Variants in ANP32A observed in about 807,000 individuals in gnomAD.
The protein encoded by ANP32A is acidic nuclear phosphoprotein 32 family member A.
Under a neutral mutation model 33.9 loss-of-function variants are expected in ANP32A, and 1 was observed. That is an observed-to-expected ratio of 0.03 (90% CI 0.01 to 0.14). ANP32A has a LOEUF of 0.14. Among genes scored for constraint, ANP32A ranks in the 10% least tolerant of loss-of-function variants. The probability of loss-of-function intolerance (pLI) is 1.00; values close to 1 mark genes in which losing one functional copy is unlikely to be tolerated. For missense variants in ANP32A, 155 were observed against 306.0 expected (o/e 0.51, Z 3.68); for synonymous variants, 115 against 120.5 (o/e 0.95, Z 0.30).
chr15:68,783,799 C>T (rs1049066040), intron 4 of ANP32A, among the ~76,000 whole-genome samples: 1 of 152,170 alleles, frequency 6.6e-6, no homozygotes, highest in African/African-American at 2.4e-5. Flanking sequence ...CTGCAGTCCT[C>T]CACTTCTGAG....
intron 1 of ANP32A, among the ~76,000 whole-genome samples, chr15:68,819,841 C>T (rs2140378395): frequency 6.6e-6 from 1 of 152,276 alleles, no homozygotes; most frequent in East Asian, 1.9e-4. Flanking sequence ...TCGAAAATCC[C>T]TCCCCCTCCT....
intron 1 of ANP32A, among the ~76,000 whole-genome samples, chr15:68,795,396 CTTA>C (rs1297902885): frequency 6.6e-6 from 1 of 152,158 alleles, no homozygotes; most frequent in East Asian, 1.9e-4. Flanking sequence ...TGACGCCATC[CTTA>C]TTATTTTAGG....
rs551159101 is a variant in ANP32A at position 68,811,799 on chromosome 15, A to G, written c.54+8899T>C. On this transcript the variant is annotated intron_variant, in intron 1 of 6. Transcript: ENST00000465139. The stretch of plus-strand genomic sequence containing the variant: ...GCCCAGGCTGGAATGCAGTGGCACG[A>G]TATCGGCTCACACTGCAACCTCCGT... 1.3e-4 allele frequency among the ~76,000 whole-genome samples: 20 copies of G among 152,270 alleles called. No homozygotes were observed. The East Asian group carries it at 3.5e-3, about 26-fold the overall frequency.
At chr15:68,811,395 A>G (rs1894310243) in intron 1 of ANP32A, among the ~76,000 whole-genome samples, 1 of 152,198 alleles carries the variant, frequency 6.6e-6, no homozygotes, top group African/African-American at 2.4e-5. Flanking sequence ...AGGGATGGAC[A>G]AGACAAGAAG....
chr15:68,787,745 C>A (rs1893951353), intron 2 of ANP32A, 25 bp downstream of exon 2: 1 of 1,612,980 alleles, frequency 6.2e-7, no homozygotes, highest in African/African-American at 1.3e-5. Context: ...CGCCTCCCAG[C>A]ACACACAGAC....
rs576995426 is a variant in ANP32A, at chr15:68,800,022, T to G, written c.55-12103A>C. Among the ~76,000 whole-genome samples, 25 of 152,088 alleles carry G rather than the reference T, an allele frequency of 1.6e-4. 1 individual carries two copies. The highest frequency in any genetic ancestry group is 1.4e-3 in the Admixed American group (21 of 15,276). ...TCATTATGGCTGTCTCACAAAATAA[T>G]GGGCTGCTCTGAAAACTTGGGAGCT... On this transcript the variant is annotated intron_variant, in intron 1 of 6. Coordinates refer to ENST00000465139, the MANE Select transcript of ANP32A (RefSeq NM_006305.4).
At chr15:68,787,960 G>A (rs1258301062) in intron 1 of ANP32A, 41 bp from the exon 2 acceptor site, 3 of 1,613,002 alleles carry the variant, frequency 1.9e-6, no homozygotes, top group East Asian at 2.2e-5. Context: ...CTGAGGAATG[G>A]GGCTGAAGCA....
Position 68,787,827 on chromosome 15 carries a change from T to C in ANP32A, c.147A>G (p.Thr49=), listed in dbSNP as rs756356254. 5.0e-6 allele frequency: 8 copies of C among 1,614,224 alleles called. No individual in the cohort carries two copies. In the South Asian group the frequency reaches 7.7e-5, roughly 16 times the overall value. ...CGATTGAGGTGAGGCCTACGTTGAT[T>C]GTACTTAAGAATTCCAGTTCTTCAA... ...DEFEELEFLS[T]INVGLTSIAN... Residue 49 remains threonine (T), a synonymous_variant, in exon 2 of 7, where the codon ACA becomes ACG. Transcript: ENST00000465139.
In ANP32A at chr15:68,812,318, A is replaced by G. The variant is rs116753431; in HGVS notation, c.54+8380T>C. Among the ~76,000 whole-genome samples the G allele has an allele frequency of 5.2e-3, 793 of 152,308 alleles. 4 individuals carry two copies. The highest frequency in any genetic ancestry group is 0.014 in the African/African-American group (602 of 41,566). ...CACAATCTTCCCTGACCCAGCATGCAAAGTGTGCAATGCACTGAAGGATGG... is the reference window on the plus strand; with the variant it reads ...CACAATCTTCCCTGACCCAGCATGCGAAGTGTGCAATGCACTGAAGGATGG... On this transcript the variant is annotated intron_variant, in intron 1 of 6. Coordinates refer to ENST00000465139, the MANE Select transcript of ANP32A (RefSeq NM_006305.4).
intron 1 of ANP32A, among the ~76,000 whole-genome samples, chr15:68,803,798 C>CTTTTTTT (rs3985625): frequency 1.4e-4 from 14 of 101,156 alleles, no homozygotes; most frequent in African/African-American, 2.6e-4. Flanking sequence ...ATTTCACAAA[C>CTTTTTTT]TTTTTTTTTT....
intron 1 of ANP32A, among the ~76,000 whole-genome samples, chr15:68,804,091 C>T (rs989732180): frequency 5.9e-5 from 9 of 152,130 alleles, no homozygotes; most frequent in Admixed American, 2.6e-4. Flanking sequence ...TGAGCCACTG[C>T]GCCCGGCCCA....
At chr15:68,791,822 A>G (rs1047969578) in intron 1 of ANP32A, 2 of 152,852 alleles carry the variant, frequency 1.3e-5, no homozygotes, top group African/African-American at 4.8e-5. Flanking sequence ...TGGGGGAAAG[A>G]CCCACTGCTT....
intron 1 of ANP32A, among the ~76,000 whole-genome samples, chr15:68,799,298 G>A (rs956707869): frequency 1.3e-5 from 2 of 152,162 alleles, no homozygotes; most frequent in East Asian, 3.9e-4. Context: ...CACAGACAGA[G>A]AAAGACACGA....
chr15:68,781,709 T>C (rs1001459793), intron 5 of ANP32A: 2 of 152,258 alleles, frequency 1.3e-5, no homozygotes, highest in Non-Finnish European at 2.9e-5. Flanking sequence ...GTTCAAGCGA[T>C]TCGCGTGCCC....
rs78193112 is a variant in ANP32A, at chr15:68,785,043, G to A, written c.328-448C>T. ...ATCTGATAATGATGATGATAAGGGC[G>A]GTTAACATGGCACTTCATGTACTGA... On this transcript the variant is annotated intron_variant, in intron 3 of 6. Coordinates refer to ENST00000465139, the MANE Select transcript of ANP32A (RefSeq NM_006305.4). Among the ~76,000 whole-genome samples, 1,041 of 152,204 alleles carry A rather than the reference G, an allele frequency of 6.8e-3. 10 individuals are homozygous for A. Among genetic ancestry groups the A allele is most frequent in the African/African-American group, 0.024 (992 of 41,506 alleles).
chr15:68,792,745 A>G (rs1894013648), intron 1 of ANP32A, among the ~76,000 whole-genome samples: 1 of 152,100 alleles, frequency 6.6e-6, no homozygotes, highest in South Asian at 2.1e-4. Flanking sequence ...GGCAGCCTGG[A>G]TTACTGGGAA....
chr15:68,803,489 A>G lies in ANP32A; in HGVS notation c.55-15570T>C, dbSNP rs575516311. Reference sequence around the variant, plus strand: ...GCACCTAAGCCCCTAATTATGTCTTAGCCTACTTTTATTGGAAAGCCATTT... The same window carrying G: ...GCACCTAAGCCCCTAATTATGTCTTGGCCTACTTTTATTGGAAAGCCATTT... On this transcript the variant is annotated intron_variant, in intron 1 of 6. Coordinates refer to ENST00000465139, the MANE Select transcript of ANP32A (RefSeq NM_006305.4). Among the ~76,000 whole-genome samples, 81 of 152,330 alleles carry G rather than the reference A, an allele frequency of 5.3e-4. 1 individual carries two copies. The highest frequency in any genetic ancestry group is 1.0e-3 in the Non-Finnish European group (70 of 68,038).
rs139329622 is a variant in ANP32A, at chr15:68,796,111, C to T, written c.55-8192G>A. ...AACTCTTTTTATTTTGAGACAGTTT[C>T]GTTCTTGTCACCTAAGCTGGCGTGC... On this transcript the variant is annotated intron_variant, in intron 1 of 6. Transcript: ENST00000465139. Among the ~76,000 whole-genome samples the T allele has an allele frequency of 7.0e-3, 1,066 of 152,252 alleles. 8 individuals are homozygous for T. The highest frequency in any genetic ancestry group is 0.013 in the African/African-American group (534 of 41,546).
Position 68,780,017 on chromosome 15 carries a change from G to A in ANP32A, c.*64C>T, listed in dbSNP as rs865921932. ...AGGGGGCAGGATTGGAGGGGGGGGG[G>A]AGAGGGGATATGGGTAAAAACAGTC... On this transcript the variant is annotated 3_prime_UTR_variant, in exon 7 of 7. Coordinates refer to ENST00000465139, the MANE Select transcript of ANP32A (RefSeq NM_006305.4). The surrounding 1 kb of genome is among the most constrained non-coding windows in gnomAD (Gnocchi z 4.3). 4 of 1,436,522 alleles carry A rather than the reference G, an allele frequency of 2.8e-6. No individual in the cohort carries two copies. The African/African-American group carries it at 4.3e-5, about 15-fold the overall frequency. The allele number at this position is 1,436,522 out of a possible 1,614,324, so 89.0% of individuals were successfully genotyped here. A position where few individuals can be genotyped will look rare whatever the true frequency, so the allele number is the denominator to read the frequency against.
Sources: gnomAD v4.1 joint callset for allele counts (sites outside exome capture counted in the v4.1 genomes callset) on GRCh38, gnomAD v4.1.1 for gene constraint, Gnocchi (gnomAD v3.1) non-coding constraint, MANE v1.5 for transcripts, NCBI Gene and HGNC (gene_info 2026-07-23, HGNC 2026-07-21) for gene names.